The following C2orf76 variants were observed in gnomAD, a reference collection of about 807,000 sequenced individuals.
C2orf76 encodes UPF0538 protein C2orf76.
A neutral mutation model predicts 16.9 loss-of-function variants in C2orf76; 23 were observed. That is an observed-to-expected ratio of 1.36 (90% CI 0.98 to 1.93). The LOEUF is 1.93. Ranked by LOEUF, C2orf76 falls within the 30% of genes most tolerant of loss-of-function variation. C2orf76 has a pLI of 0.00. For missense variants in C2orf76, 152 were observed against 152.6 expected (o/e 1.00, Z 0.02); for synonymous variants, 48 against 52.3 (o/e 0.92, Z 0.35).
intron 1 of C2orf76, among the ~76,000 whole-genome samples, chr2:119,359,440 T>C (rs1680673872): frequency 6.6e-6 from 1 of 152,222 alleles, no homozygotes; most frequent in South Asian, 2.1e-4. Flanking sequence ...ACTGCTACCG[T>C]AGATAGTGAT....
intron 3 of C2orf76, among the ~76,000 whole-genome samples, chr2:119,318,002 G>A (rs1425902295): frequency 6.6e-6 from 1 of 152,096 alleles, no homozygotes; most frequent in African/African-American, 2.4e-5. Flanking sequence ...GGGAATCTGA[G>A]CAAGGCTGCT....
At chr2:119,362,235 T>A (rs1680767890) in intron 1 of C2orf76, among the ~76,000 whole-genome samples, 1 of 152,224 alleles carries the variant, frequency 6.6e-6, no homozygotes. Context: ...ATATAACATA[T>A]AAAATGTGTT....
At chr2:119,325,457 CAAAAAAAAAAAAAA>C (rs59581840) in intron 2 of C2orf76, among the ~76,000 whole-genome samples, 1 of 59,784 alleles carries the variant, frequency 1.7e-5, no homozygotes, top group Non-Finnish European at 3.1e-5. Context: ...AAGACTGTCT[CAAAAAAAAAAAAAA>C]AAAAAAAAAG....
At chr2:119,321,342 C>A in intron 2 of C2orf76, 138 bp from the exon 3 acceptor site, 1 of 533,610 alleles carries the variant, frequency 1.9e-6, no homozygotes, top group South Asian at 2.8e-5. Flanking sequence ...ATAAATACAT[C>A]ACCGAAATCC....
chr2:119,283,577 C>T, the C2orf76 span, among the ~76,000 whole-genome samples: 5 of 152,218 alleles, frequency 3.3e-5, no homozygotes, highest in East Asian at 9.6e-4. Context: ...TGAGTTCAAG[C>T]GATTCTCCTG....
At chr2:119,321,859 T>C (rs1558782452) in intron 2 of C2orf76, among the ~76,000 whole-genome samples, 5 of 151,656 alleles carry the variant, frequency 3.3e-5, no homozygotes, top group South Asian at 2.1e-4. Context: ...GAGACATATA[T>C]ATATATATAT....
In C2orf76 at chr2:119,338,263, T is replaced by C. The variant is rs781207930; in HGVS notation, c.133+1564A>G. ...TCCGTTTGCCTAAAATCAGGACATATAATAGATTTACAAAGAGAAAAGGTA... is the reference window on the plus strand; with the variant it reads ...TCCGTTTGCCTAAAATCAGGACATACAATAGATTTACAAAGAGAAAAGGTA... On this transcript the variant is annotated intron_variant, in intron 2 of 5. Transcript: ENST00000334816. Among the ~76,000 whole-genome samples the C allele has an allele frequency of 1.7e-4, 26 of 152,080 alleles. 1 individual carries two copies. The highest frequency in any genetic ancestry group is 4.1e-4 in the South Asian group (2 of 4,824).
intron 2 of C2orf76, among the ~76,000 whole-genome samples, chr2:119,323,550 G>A (rs546019078): frequency 1.1e-4 from 16 of 152,130 alleles, no homozygotes; most frequent in East Asian, 5.8e-4. Flanking sequence ...TCCTCACCCC[G>A]GCTGCACGTC....
intron 2 of C2orf76, among the ~76,000 whole-genome samples, chr2:119,324,307 G>A (rs1343249688): frequency 6.6e-6 from 1 of 152,214 alleles, no homozygotes; most frequent in African/African-American, 2.4e-5. Context: ...CATCTTAACT[G>A]AAGTGCCATC....
chr2:119,340,017 GT>G (rs1679976397), intron 1 of C2orf76, 46 bp from the exon 2 acceptor site: 1 of 1,582,210 alleles, frequency 6.3e-7, no homozygotes, highest in Non-Finnish European at 8.7e-7. Context: ...CCAGCTCACA[GT>G]TGTCTACCAG....
In C2orf76 at chr2:119,321,202, TATCTACAAGAG is replaced by T; in HGVS notation, c.134-9_135del. ...GGTGGCAGGTTGGTCCTTAAAGGGA[TATCTACAAGAG>T]AAAGATTATTTTTTTACACAATAAG... On this transcript the variant is annotated splice_acceptor_variant and splice_polypyrimidine_tract_variant and coding_sequence_variant and intron_variant, in exon 3 of 6. Transcript: ENST00000334816. LOFTEE classifies it high-confidence loss of function. The T allele has an allele frequency of 7.2e-7, 1 of 1,392,638 alleles. No homozygotes were observed. Among genetic ancestry groups the T allele is most frequent in the Non-Finnish European group, 9.8e-7 (1 of 1,015,998 alleles). The allele number at this position is 1,392,638 out of a possible 1,614,324, so 86.3% of individuals were successfully genotyped here.
chr2:119,304,795 T>C (rs72840971), intron 5 of C2orf76, among the ~76,000 whole-genome samples: 4,782 of 152,342 alleles, frequency 0.031, 91 homozygotes, highest in South Asian at 0.08. Flanking sequence ...TGTAAGACTC[T>C]GTGGAAAATG....
chr2:119,337,883 T>G (rs1307626477), intron 2 of C2orf76, among the ~76,000 whole-genome samples: 4 of 152,132 alleles, frequency 2.6e-5, no homozygotes, highest in African/African-American at 9.7e-5. Flanking sequence ...ACCGTGACCC[T>G]GGAAAAAAGA....
At chr2:119,328,245 T>C (rs567365494) in intron 2 of C2orf76, among the ~76,000 whole-genome samples, 40 of 152,306 alleles carry the variant, frequency 2.6e-4, no homozygotes, top group Non-Finnish European at 4.4e-4. Flanking sequence ...TGAAACCATC[T>C]GGGCCTGGAG....
chr2:119,297,790 C>A (rs921790076), downstream of C2orf76, among the ~76,000 whole-genome samples: 2 of 152,096 alleles, frequency 1.3e-5, no homozygotes, highest in African/African-American at 4.8e-5. Context: ...AGCCACCATG[C>A]CTGGACCAGA....
chr2:119,302,522 A>G lies in C2orf76; in HGVS notation c.331T>C (p.Cys111Arg). 6.7e-7 allele frequency: 1 copy of G among 1,503,608 alleles called. No individual in the cohort carries two copies. Among genetic ancestry groups the G allele is most frequent in the Non-Finnish European group, 9.0e-7 (1 of 1,110,990 alleles). The allele number at this position is 1,503,608 out of a possible 1,614,324, so 93.1% of individuals were successfully genotyped here. A position where few individuals can be genotyped will look rare whatever the true frequency, so the allele number is the denominator to read the frequency against. The change falls in exon 6 of 6, where the codon TGT becomes CGT. Residue 111 changes from cysteine (C) to arginine (R), a missense_variant. Cys to Arg is a radical substitution (Grantham distance 180, BLOSUM62 -3). Coordinates refer to ENST00000334816, the MANE Select transcript of C2orf76 (RefSeq NM_001322331.2). ...TTGTAGTTCTTATAATCTTCTTCAC[A>G]GAAGAATGCAATTTCAGTTTCACTG... ...IASETEIAFFCEEDYKNYKAN... is the reference protein window; with the variant it reads ...IASETEIAFFREEDYKNYKAN...
intron 2 of C2orf76, among the ~76,000 whole-genome samples, chr2:119,323,329 G>C (rs1022384741): frequency 2.0e-5 from 3 of 151,918 alleles, no homozygotes; most frequent in Admixed American, 1.3e-4. Context: ...AGGAAATGTG[G>C]GTTTTTTTAA....
chr2:119,315,126 A>G (rs1679124726), intron 4 of C2orf76, among the ~76,000 whole-genome samples: 1 of 152,138 alleles, frequency 6.6e-6, no homozygotes, highest in African/African-American at 2.4e-5. Context: ...TTTTATTTCA[A>G]TCTTAATAGA....
the C2orf76 span, among the ~76,000 whole-genome samples, chr2:119,286,889 G>A: frequency 6.6e-6 from 1 of 152,152 alleles, no homozygotes; most frequent in South Asian, 2.1e-4. Context: ...CTTCTGTTGA[G>A]GAGGTATCAG....
Sources: gnomAD v4.1 joint callset for allele counts (sites outside exome capture counted in the v4.1 genomes callset) on GRCh38, gnomAD v4.1.1 for gene constraint, MANE v1.5 for transcripts, NCBI Gene and HGNC (gene_info 2026-07-23, HGNC 2026-07-21) for gene names.